BTBD10: variants seen among roughly 807,000 people sequenced by gnomAD.
The protein encoded by BTBD10 is BTB/POZ domain-containing protein 10.
A neutral mutation model predicts 53.2 loss-of-function variants in BTBD10; 21 were observed. The ratio of observed to expected loss-of-function variants is 0.39; its 90% CI spans 0.28 to 0.57. BTBD10 has a LOEUF of 0.57. Among genes scored for constraint, BTBD10 ranks in the 20% least tolerant of loss-of-function variants. BTBD10 has a pLI of 0.53. For missense variants in BTBD10, 360 were observed against 594.7 expected (o/e 0.61, Z 4.10); for synonymous variants, 149 against 192.7 (o/e 0.77, Z 1.88).
Position 13,403,227 on chromosome 11 carries a change from T to A in BTBD10, c.1058A>T (p.Asp353Val). 1.3e-6 allele frequency: 2 copies of A among 1,555,956 alleles called. No homozygotes were observed. Among genetic ancestry groups the A allele is most frequent in the Non-Finnish European group, 1.7e-6 (2 of 1,156,094 alleles). Residue 353 changes from aspartate (D) to valine (V), a missense_variant, in exon 8 of 9, where the codon GAT (aspartate) becomes GTT (valine). Around this residue, in one of 6 missense-constraint regions of BTBD10, gnomAD observed 52 missense variants for 180.4 expected, o/e 0.29. Coordinates refer to ENST00000278174, the MANE Select transcript of BTBD10 (RefSeq NM_032320.7). ...YRFFKYIENR[D>V]VAKSVLKERG... ...CTCCTTCAAAACTGACTTGGCCACATCTCTGTTTTCAATATACTTGAAAAA... is the reference window on the plus strand; with the variant it reads ...CTCCTTCAAAACTGACTTGGCCACAACTCTGTTTTCAATATACTTGAAAAA...
chr11:13,440,703 G>C (rs555347958), intron 2 of BTBD10, among the ~76,000 whole-genome samples: 1 of 152,108 alleles, frequency 6.6e-6, no homozygotes, highest in South Asian at 2.1e-4. Context: ...TTCCATGTGG[G>C]AATGAAACCT....
chr11:13,456,945 G>C (rs1161032780), intron 1 of BTBD10, among the ~76,000 whole-genome samples: 4 of 152,088 alleles, frequency 2.6e-5, no homozygotes, highest in African/African-American at 9.7e-5. Flanking sequence ...CAGATCACTT[G>C]AGCCTAGGAG....
chr11:13,419,419 A>G, intron 4 of BTBD10, 41 bp downstream of exon 4: 2 of 1,585,134 alleles, frequency 1.3e-6, no homozygotes, highest in Non-Finnish European at 1.7e-6. Flanking sequence ...CAGTAAAAGC[A>G]CATTATAATT....
At chr11:13,422,161 G>A (rs1950253991) in intron 2 of BTBD10, among the ~76,000 whole-genome samples, 1 of 152,146 alleles carries the variant, frequency 6.6e-6, no homozygotes, top group African/African-American at 2.4e-5. Flanking sequence ...TTATTCAGAT[G>A]TTCTTTTGAT....
intron 2 of BTBD10, among the ~76,000 whole-genome samples, chr11:13,426,565 C>G (rs1284696567): frequency 1.3e-5 from 2 of 151,914 alleles, no homozygotes. Context: ...ACTAGAGTAG[C>G]ACAAAGTCTG....
At chr11:13,414,082 A>G (rs904475021) in intron 5 of BTBD10, among the ~76,000 whole-genome samples, 4 of 152,252 alleles carry the variant, frequency 2.6e-5, no homozygotes, top group Non-Finnish European at 4.4e-5. Context: ...AGATAATTTA[A>G]CAAAATGTGA....
chr11:13,456,649 G>A (rs1950974251), intron 1 of BTBD10, among the ~76,000 whole-genome samples: 2 of 152,190 alleles, frequency 1.3e-5, no homozygotes, highest in South Asian at 2.1e-4. Context: ...GTTCCTTAAA[G>A]AAGGAAAGAA....
In BTBD10 at chr11:13,414,649, A is replaced by G. The variant is rs375398723; in HGVS notation, c.688-999T>C. On this transcript the variant is annotated intron_variant, in intron 5 of 8. Coordinates refer to ENST00000278174, the MANE Select transcript of BTBD10 (RefSeq NM_032320.7). ...AGCCTGGGCGACAGAGCAAGACTCC[A>G]TCTCAAAATAAAAATAATAAAAAAA... is the stretch of plus-strand genomic sequence containing the variant. Among the ~76,000 whole-genome samples, 44 of 151,408 alleles carry G rather than the reference A, an allele frequency of 2.9e-4. No individual in the cohort carries two copies. The East Asian group carries it at 4.9e-3, about 17-fold the overall frequency.
intron 3 of BTBD10, 70 bp downstream of exon 3, chr11:13,421,572 T>A: frequency 1.5e-6 from 2 of 1,355,254 alleles, no homozygotes; most frequent in Non-Finnish European, 2.0e-6. Context: ...CAATTCAATG[T>A]CATTACTACT....
At chr11:13,426,740 A>T (rs1950346231) in intron 2 of BTBD10, among the ~76,000 whole-genome samples, 1 of 152,160 alleles carries the variant, frequency 6.6e-6, no homozygotes, top group Non-Finnish European at 1.5e-5. Context: ...ATACCAAAAA[A>T]GGAGATAAAA....
intron 1 of BTBD10, among the ~76,000 whole-genome samples, chr11:13,454,556 T>C (rs539251542): frequency 5.1e-4 from 77 of 152,240 alleles, no homozygotes; most frequent in African/African-American, 1.7e-3. Context: ...AATTTCACCA[T>C]ATAAAATTAA....
intron 5 of BTBD10, 85 bp downstream of exon 5, chr11:13,417,073 A>G: frequency 1.2e-6 from 1 of 858,246 alleles, no homozygotes; most frequent in East Asian, 2.5e-5. Context: ...CTCCAGAGAG[A>G]TATTCAAATA....
At position 13,453,864 on chromosome 11, in the gene BTBD10, C is replaced by A. The variant is rs186514834; in HGVS notation, c.-57-8683G>T. Among the ~76,000 whole-genome samples the A allele has an allele frequency of 2.8e-4, 43 of 152,272 alleles. 1 individual carries two copies. Among genetic ancestry groups the A allele is most frequent in the Admixed American group, 2.5e-3 (38 of 15,304 alleles). ...GTCAGAAGTTCAAGACCAGCCTGAT[C>A]AACATGGTGAAACCCCACTGGTACT... is the stretch of plus-strand genomic sequence containing the variant. On this transcript the variant is annotated intron_variant, in intron 1 of 8. Coordinates refer to ENST00000278174, the MANE Select transcript of BTBD10 (RefSeq NM_032320.7).
At chr11:13,449,719 G>A (rs769458514) in intron 1 of BTBD10, among the ~76,000 whole-genome samples, 1 of 152,174 alleles carries the variant, frequency 6.6e-6, no homozygotes, top group Non-Finnish European at 1.5e-5. Flanking sequence ...ATGAGGCAAG[G>A]GCCTTCATGC....
At chr11:13,403,302 A>G in intron 7 of BTBD10, 24 bp from the exon 8 acceptor site, 1 of 1,233,300 alleles carries the variant, frequency 8.1e-7, no homozygotes, top group Non-Finnish European at 1.1e-6. Context: ...GAAAAATATT[A>G]TTGTATTAAA....
intron 6 of BTBD10, among the ~76,000 whole-genome samples, chr11:13,410,913 A>G (rs953147179): frequency 6.6e-6 from 1 of 152,244 alleles, no homozygotes; most frequent in African/African-American, 2.4e-5. Flanking sequence ...ATTTGGAGCT[A>G]TATGTTAATT....
chr11:13,395,339 T>C (rs1391660686), intron 8 of BTBD10, among the ~76,000 whole-genome samples: 2 of 152,242 alleles, frequency 1.3e-5, no homozygotes, highest in Non-Finnish European at 2.9e-5. Flanking sequence ...CATAAATGTC[T>C]TCCTTTGAGA....
intron 8 of BTBD10, among the ~76,000 whole-genome samples, chr11:13,389,388 A>G (rs746454873): frequency 6.6e-6 from 1 of 151,898 alleles, no homozygotes; most frequent in Non-Finnish European, 1.5e-5. Context: ...AAACATTATT[A>G]AAGTAGGAGT....
chr11:13,397,667 T>C (rs1949591816), intron 8 of BTBD10, among the ~76,000 whole-genome samples: 1 of 152,220 alleles, frequency 6.6e-6, no homozygotes, highest in African/African-American at 2.4e-5. Flanking sequence ...CTGCTTTCTC[T>C]TGTGGGCATT....
Sources: gnomAD v4.1 joint callset for allele counts (sites outside exome capture counted in the v4.1 genomes callset) on GRCh38, gnomAD v4.1.1 for gene constraint, gnomAD v4.1.1 regional missense constraint, MANE v1.5 for transcripts, NCBI Gene and HGNC (gene_info 2026-07-23, HGNC 2026-07-21) for gene names.